Variants in ITGAX observed in about 807,000 individuals in gnomAD.
ITGAX encodes integrin alpha-X.
A neutral mutation model predicts 140.2 loss-of-function variants in ITGAX; 99 were observed. The ratio of observed to expected loss-of-function variants is 0.71; its 90% CI spans 0.60 to 0.83. ITGAX has a LOEUF of 0.83. Ranked by LOEUF, ITGAX falls within the 40% of genes least tolerant of loss-of-function variation. ITGAX has a pLI of 0.00. For missense variants in ITGAX, 1,444 were observed against 1,482.0 expected, an observed-to-expected ratio of 0.97 and a Z score of 0.42; for synonymous variants, 631 against 600.4, an observed-to-expected ratio of 1.05 and a Z score of -0.75.
At chr16:31,371,992 T>A (rs1273015096) in intron 17 of ITGAX, among the ~76,000 whole-genome samples, 1 of 151,922 alleles carries the variant, frequency 6.6e-6, no homozygotes, top group African/African-American at 2.4e-5. Flanking sequence ...GGCCACACGA[T>A]TGGATTTCAG....
rs1239853173 is a variant in ITGAX, at chr16:31,372,516, C to T, written c.2292+7C>T. The T allele has an allele frequency of 5.0e-6, 8 of 1,610,992 alleles. No homozygotes were observed. The highest frequency in any genetic ancestry group is 1.3e-5 in the African/African-American group (1 of 74,666). Reference sequence around the variant, plus strand: ...GAGATACTTCACGGCCTCCGTGAGTCCTGGCACTGGGTCTCCCAGAGAGGG... The same window carrying T: ...GAGATACTTCACGGCCTCCGTGAGTTCTGGCACTGGGTCTCCCAGAGAGGG... On this transcript the variant is annotated splice_region_variant and intron_variant, in intron 18 of 29. Transcript: ENST00000268296.
chr16:31,372,933 C>CAAT (rs764842475), intron 19 of ITGAX, among the ~76,000 whole-genome samples: 31 of 151,772 alleles, frequency 2.0e-4, no homozygotes, highest in Non-Finnish European at 3.7e-4. Flanking sequence ...ACAACAACAA[C>CAAT]AACAACAACA....
chr16:31,369,276 G>T (rs1274888595), intron 14 of ITGAX, among the ~76,000 whole-genome samples: 3 of 134,064 alleles, frequency 2.2e-5, no homozygotes, highest in African/African-American at 9.9e-5. Flanking sequence ...GCAGCTGGCC[G>T]GGCGGGGGGC....
intron 14 of ITGAX, among the ~76,000 whole-genome samples, chr16:31,370,645 G>A (rs2080946024): frequency 6.6e-6 from 1 of 152,192 alleles, no homozygotes; most frequent in African/African-American, 2.4e-5. Flanking sequence ...AATACTCATT[G>A]TGATATATTA....
At position 31,371,129 on chromosome 16, in the gene ITGAX, C is replaced by G. The variant is rs1242446528; in HGVS notation, c.1756C>G (p.Gln586Glu). ...CTCCTCCAGGCTGCAGTATTTTGGG[C>G]AGGCACTGAGCGGGGGTCAAGACCT... is the stretch of plus-strand genomic sequence containing the variant. ...QLSSRLQYFG[Q>E]ALSGGQDLTQ... The change falls in exon 15 of 30, where the codon CAG becomes GAG. Residue 586 changes from glutamine to glutamate, a missense_variant. Gln to Glu is a conservative substitution (Grantham distance 29). Coordinates refer to ENST00000268296, the MANE Select transcript of ITGAX (RefSeq NM_000887.5). The G allele has an allele frequency of 4.3e-6, 7 of 1,614,126 alleles. No homozygotes were observed. Among genetic ancestry groups the G allele is most frequent in the Non-Finnish European group, 5.9e-6 (7 of 1,180,026 alleles).
intron 19 of ITGAX, among the ~76,000 whole-genome samples, 154 bp downstream of exon 19, chr16:31,372,824 A>G (rs2080983055): frequency 6.6e-6 from 1 of 152,030 alleles, no homozygotes; most frequent in African/African-American, 2.4e-5. Context: ...TAATCCCAGC[A>G]CTTTGGGAGG....
chr16:31,356,382 A>G, intron 2 of ITGAX: 1 of 481,422 alleles, frequency 2.1e-6, no homozygotes, highest in Non-Finnish European at 3.8e-6. Context: ...CTCCCGCCTC[A>G]GCCTCCCAAA....
intron 14 of ITGAX, among the ~76,000 whole-genome samples, chr16:31,365,864 A>T (rs2080887714): frequency 6.6e-6 from 1 of 152,254 alleles, no homozygotes; most frequent in African/African-American, 2.4e-5. Flanking sequence ...CGGAGGTTGC[A>T]GTGAGCTGAG....
intron 17 of ITGAX, among the ~76,000 whole-genome samples, chr16:31,372,046 T>A (rs1162456729): frequency 6.6e-6 from 1 of 152,068 alleles, no homozygotes; most frequent in Admixed American, 6.6e-5. Context: ...GGCTTCCGGC[T>A]GGGCTTTTTT....
intron 14 of ITGAX, among the ~76,000 whole-genome samples, chr16:31,365,018 T>TCAAA (rs1243212778): frequency 1.4e-4 from 18 of 131,506 alleles, no homozygotes; most frequent in Admixed American, 1.1e-3. Flanking sequence ...AAACTCCGTC[T>TCAAA]CGAACAAACA....
At position 31,372,503 on chromosome 16, in the gene ITGAX, G is replaced by T. The variant is rs781568398; in HGVS notation, c.2286G>T (p.Thr762=). 1.9e-6 allele frequency: 3 copies of T among 1,609,216 alleles called. No homozygotes were observed. The highest frequency in any genetic ancestry group is 2.5e-6 in the Non-Finnish European group (3 of 1,178,702). ...MLAADAQRYF[T]ASLPFEKNCG... ...CCGCCGATGCTCAGAGATACTTCAC[G>T]GCCTCCGTGAGTCCTGGCACTGGGT... The change falls in exon 18 of 30, where the codon ACG becomes ACT. Residue 762 remains threonine, a synonymous_variant. Transcript: ENST00000268296.
chr16:31,382,636 G>A lies in ITGAX; in HGVS notation c.*729G>A, dbSNP rs2081080206. The A allele has an allele frequency of 1.5e-6, 1 of 649,102 alleles. No individual in the cohort carries two copies. The highest frequency in any genetic ancestry group is 2.8e-6 in the Non-Finnish European group (1 of 355,248). The allele number at this position is 649,102 out of a possible 1,614,324, so 40.2% of individuals were successfully genotyped here. On this transcript the variant is annotated 3_prime_UTR_variant, in exon 30 of 30. Transcript: ENST00000268296. Reference sequence around the variant, plus strand: ...GTCAGCATCAGCTCAGGGCTTCATCGTGGGGCTCTCAGTTCCGATTTCCCA... The same window carrying A: ...GTCAGCATCAGCTCAGGGCTTCATCATGGGGCTCTCAGTTCCGATTTCCCA...
intron 23 of ITGAX, among the ~76,000 whole-genome samples, chr16:31,379,177 C>T (rs369253636): frequency 2.0e-5 from 3 of 151,276 alleles, no homozygotes; most frequent in Non-Finnish European, 2.9e-5. Context: ...CATTCAGTGG[C>T]GTGATCTGGG....
chr16:31,368,672 T>C (rs928574754), intron 14 of ITGAX, among the ~76,000 whole-genome samples: 2 of 151,880 alleles, frequency 1.3e-5, no homozygotes, highest in African/African-American at 4.8e-5. Flanking sequence ...TTTCGCAGGG[T>C]CATAGGACAA....
chr16:31,379,552 C>A lies in ITGAX; in HGVS notation c.2790-16C>A, dbSNP rs571849394. ...CCATGGTAGTTCACATCCACTTATG[C>A]GTCTTCTCTCTCCAGCCACGAACAA... On this transcript the variant is annotated splice_polypyrimidine_tract_variant and intron_variant, in intron 23 of 29. Transcript: ENST00000268296. 6.4e-7 allele frequency: 1 copy of A among 1,555,476 alleles called. No individual in the cohort carries two copies. Among genetic ancestry groups the A allele is most frequent in the African/African-American group, 1.4e-5 (1 of 73,662 alleles).
chr16:31,380,752 C>A, intron 28 of ITGAX, 128 bp downstream of exon 28: 2 of 1,310,156 alleles, frequency 1.5e-6, no homozygotes, highest in South Asian at 2.4e-5. Context: ...GGATAGCTGT[C>A]CCTAAGGGCA....
At chr16:31,355,360 G>T (rs1255134295) in intron 1 of ITGAX, 69 bp downstream of exon 1, 4 of 1,551,762 alleles carry the variant, frequency 2.6e-6, no homozygotes, top group African/African-American at 2.7e-5. Flanking sequence ...CTGAACTGGG[G>T]GCTCAGGCTG....
At chr16:31,379,374 C>T (rs2081047349) in intron 23 of ITGAX, among the ~76,000 whole-genome samples, 194 bp from the exon 24 acceptor site, 1 of 152,008 alleles carries the variant, frequency 6.6e-6, no homozygotes, top group South Asian at 2.1e-4. Flanking sequence ...ATCTCAGCAT[C>T]TCAAAGTGCT....
chr16:31,374,160 G>A (rs1474807548), intron 20 of ITGAX, among the ~76,000 whole-genome samples: 1 of 152,086 alleles, frequency 6.6e-6, no homozygotes, highest in Non-Finnish European at 1.5e-5. Flanking sequence ...GTGGTGGCAG[G>A]TGCCTGTGAT....
Sources: gnomAD v4.1 joint callset for allele counts (sites outside exome capture counted in the v4.1 genomes callset) on GRCh38, gnomAD v4.1.1 for gene constraint, MANE v1.5 for transcripts, NCBI Gene and HGNC (gene_info 2026-07-23, HGNC 2026-07-21) for gene names.